The following SDK1 variants were observed in gnomAD, a reference collection of about 807,000 sequenced individuals.
SDK1 encodes sidekick cell adhesion molecule 1.
A neutral mutation model predicts 245.5 loss-of-function variants in SDK1; 157 were observed. The observed-to-expected ratio is 0.64, with a 90% CI of 0.56 to 0.73. SDK1 has a LOEUF of 0.73. Ranked by LOEUF, SDK1 falls within the 30% of genes least tolerant of loss-of-function variation. SDK1 has a pLI of 0.00. For synonymous variants in SDK1, 1,647 were observed against 1,278.5 expected (o/e 1.29, Z -6.15); for missense variants, 3,583 against 3,002.3 (o/e 1.19, Z -4.52).
chr7:3,558,246 G>A (rs1019670276), intron 1 of SDK1, among the ~76,000 whole-genome samples: 5 of 152,206 alleles, frequency 3.3e-5, no homozygotes, highest in Non-Finnish European at 7.3e-5. Context: ...GTAGGCCATA[G>A]GATCAAAGGA....
At chr7:3,328,210 T>C (rs544235586) in intron 1 of SDK1, among the ~76,000 whole-genome samples, 8 of 152,140 alleles carry the variant, frequency 5.3e-5, no homozygotes, top group African/African-American at 1.9e-4. Context: ...AAATGACAAA[T>C]GATATTTAAA....
At chr7:3,721,952 C>T (rs1260737513) in intron 4 of SDK1, among the ~76,000 whole-genome samples, 1 of 151,980 alleles carries the variant, frequency 6.6e-6, no homozygotes, top group African/African-American at 2.4e-5. Flanking sequence ...CTTTCCTTTC[C>T]TTTCTGACAA....
chr7:4,218,094 A>G (rs1333070741), intron 38 of SDK1, among the ~76,000 whole-genome samples: 2 of 152,134 alleles, frequency 1.3e-5, no homozygotes, highest in Non-Finnish European at 2.9e-5. Flanking sequence ...CCAGTTTTGG[A>G]GGGTCACCCA....
chr7:4,195,481 A>T (rs1173947272), intron 35 of SDK1, among the ~76,000 whole-genome samples: 2 of 152,088 alleles, frequency 1.3e-5, no homozygotes, highest in Non-Finnish European at 2.9e-5. Context: ...CTGGAGCCAC[A>T]GCTCCCAAAT....
chr7:3,412,587 CCACGTGTCATTTCA>C (rs1362424465), intron 1 of SDK1, among the ~76,000 whole-genome samples: 1 of 152,198 alleles, frequency 6.6e-6, no homozygotes, highest in Non-Finnish European at 1.5e-5. Flanking sequence ...GCAGTCTTTT[CCACGTGTCATTTCA>C]CACATGTGCA....
At chr7:3,503,072 A>AT (rs1478316214) in intron 1 of SDK1, among the ~76,000 whole-genome samples, 4 of 152,154 alleles carry the variant, frequency 2.6e-5, no homozygotes, top group African/African-American at 4.8e-5. Flanking sequence ...AATGTTTTAG[A>AT]TTACTTTTAA....
intron 1 of SDK1, among the ~76,000 whole-genome samples, chr7:3,357,505 A>G (rs995404119): frequency 6.6e-6 from 1 of 150,668 alleles, no homozygotes; most frequent in African/African-American, 2.4e-5. Context: ...GCATGCCACG[A>G]TACCTGGCTT....
chr7:4,263,580 T>C, intron 44 of SDK1, among the ~76,000 whole-genome samples: 1 of 48,456 alleles, frequency 2.1e-5, no homozygotes, highest in Non-Finnish European at 4.0e-5. Context: ...CTCTCCTGAG[T>C]GAGGGAGGCC....
chr7:3,532,111 G>A (rs530830161), intron 1 of SDK1, among the ~76,000 whole-genome samples: 1 of 152,230 alleles, frequency 6.6e-6, no homozygotes, highest in African/African-American at 2.4e-5. Context: ...TTACTTTTCT[G>A]TATCTTTTCA....
At position 3,562,353 on chromosome 7, in the gene SDK1, G is replaced by A. The variant is rs189815424; in HGVS notation, c.299-56727G>A. 3.8e-3 allele frequency among the ~76,000 whole-genome samples: 581 copies of A among 152,286 alleles called. 8 individuals are homozygous for A. Among genetic ancestry groups the A allele is most frequent in the African/African-American group, 0.013 (529 of 41,542 alleles). On this transcript the variant is annotated intron_variant, in intron 1 of 44. Coordinates refer to ENST00000404826, the MANE Select transcript of SDK1 (RefSeq NM_152744.4). ...AAGTACTTTGGCCTTTTCTTCCATAGATTGTAAGTGTAAAAATTTGCCTAG... is the reference window on the plus strand; with the variant it reads ...AAGTACTTTGGCCTTTTCTTCCATAAATTGTAAGTGTAAAAATTTGCCTAG...
At chr7:3,951,400 G>A (rs886564481) in intron 6 of SDK1, among the ~76,000 whole-genome samples, 5 of 152,076 alleles carry the variant, frequency 3.3e-5, no homozygotes, top group Admixed American at 2.6e-4. Flanking sequence ...AATCAAGCTC[G>A]GATGATCCCG....
chr7:3,569,292 C>G (rs564866280), intron 1 of SDK1, among the ~76,000 whole-genome samples: 1 of 152,262 alleles, frequency 6.6e-6, no homozygotes. Flanking sequence ...ATGCTGAGAG[C>G]CTGGTTCATC....
chr7:4,266,517 C>T lies in SDK1; in HGVS notation c.*1133C>T. Reference sequence around the variant, plus strand: ...TCTCCACCACTGGCGCTGCTGCTGCCCCCTCTCCCAGTCCGAGGCCAGCTT... The same window carrying T: ...TCTCCACCACTGGCGCTGCTGCTGCTCCCTCTCCCAGTCCGAGGCCAGCTT... On this transcript the variant is annotated 3_prime_UTR_variant, in exon 45 of 45. Transcript: ENST00000404826. The T allele has an allele frequency of 2.0e-6, 2 of 985,380 alleles. No individual in the cohort carries two copies. The highest frequency in any genetic ancestry group is 1.7e-5 in the African/African-American group (1 of 57,344). The allele number at this position is 985,380 out of a possible 1,614,324, so 61.0% of individuals were successfully genotyped here. A position where few individuals can be genotyped will look rare whatever the true frequency, so the allele number is the denominator to read the frequency against.
At position 3,781,164 on chromosome 7, in the gene SDK1, G is replaced by A. The variant is rs11505480; in HGVS notation, c.714-40286G>A. ...TCTGCTTGTCCCAAGCAATGACTTT[G>A]CTAACCTCAGAGAACAGCCTATAGC... On this transcript the variant is annotated intron_variant, in intron 4 of 44. Coordinates refer to ENST00000404826, the MANE Select transcript of SDK1 (RefSeq NM_152744.4). 5.5e-3 allele frequency among the ~76,000 whole-genome samples: 840 copies of A among 152,166 alleles called. 9 individuals carry two copies. Among genetic ancestry groups the A allele is most frequent in the African/African-American group, 0.019 (807 of 41,506 alleles).
intron 14 of SDK1, among the ~76,000 whole-genome samples, chr7:4,010,750 G>A (rs1021497673): frequency 1.3e-5 from 2 of 152,154 alleles, no homozygotes; most frequent in Non-Finnish European, 2.9e-5. Flanking sequence ...GCTCATTGAT[G>A]GCGGCACCGG....
chr7:3,460,297 G>C (rs928383841), intron 1 of SDK1, among the ~76,000 whole-genome samples: 29 of 152,284 alleles, frequency 1.9e-4, no homozygotes, highest in South Asian at 2.1e-4. Context: ...TCATAAGGAT[G>C]CTCTGAGAAA....
chr7:3,993,017 G>C (rs1239667890), intron 14 of SDK1, among the ~76,000 whole-genome samples: 1 of 152,124 alleles, frequency 6.6e-6, no homozygotes, highest in Non-Finnish European at 1.5e-5. Flanking sequence ...TGATACAGTT[G>C]AAACGTCTTA....
chr7:4,237,413 A>G (rs923000521), intron 41 of SDK1, among the ~76,000 whole-genome samples: 1 of 152,034 alleles, frequency 6.6e-6, no homozygotes, highest in Non-Finnish European at 1.5e-5. Context: ...CTGATCCCAC[A>G]GAAAAGGTGG....
At chr7:3,992,955 A>G (rs1228706180) in intron 14 of SDK1, among the ~76,000 whole-genome samples, 1 of 152,218 alleles carries the variant, frequency 6.6e-6, no homozygotes, top group African/African-American at 2.4e-5. Flanking sequence ...GCATCTATTT[A>G]TAAATTCATT....
Sources: allele counts gnomAD v4.1 joint callset (sites outside exome capture counted in the v4.1 genomes callset), GRCh38; gene constraint gnomAD v4.1.1; transcripts MANE v1.5; gene names NCBI Gene and HGNC (gene_info 2026-07-23, HGNC 2026-07-21).